PWWP2A: variants seen among roughly 807,000 people sequenced by gnomAD.
The protein encoded by PWWP2A is PWWP domain containing 2A.
PWWP2A carries 18 observed loss-of-function variants against 48.5 expected under a neutral mutation model. That is an observed-to-expected ratio of 0.37 (90% CI 0.26 to 0.55). The LOEUF is 0.55. PWWP2A is among the 20% of genes least tolerant of loss of function. PWWP2A has a pLI of 0.81. For missense variants in PWWP2A, 867 were observed against 976.4 expected (o/e 0.89, Z 1.49); for synonymous variants, 396 against 387.7 (o/e 1.02, Z -0.25).
At chr5:160,079,896 T>G (rs1157522247) in intron 3 of PWWP2A, among the ~76,000 whole-genome samples, 2 of 152,332 alleles carry the variant, frequency 1.3e-5, no homozygotes, top group African/African-American at 4.8e-5. Context: ...AATTACAGCT[T>G]CCATGCAACT....
At chr5:160,109,775 ATATATATATATAT>A (rs1757304838) in intron 1 of PWWP2A, among the ~76,000 whole-genome samples, 1 of 27,844 alleles carries the variant, frequency 3.6e-5, no homozygotes, top group African/African-American at 1.3e-4. Context: ...AAAAAAAAAA[ATATATATATATAT>A]ATATATATAT....
At chr5:160,052,643 G>A in the PWWP2A span, among the ~76,000 whole-genome samples, 11 of 150,604 alleles carry the variant, frequency 7.3e-5, no homozygotes, top group Non-Finnish European at 1.0e-4. Context: ...AGTGGATCTG[G>A]AAGGCATTGG....
At position 160,119,124 on chromosome 5, in the gene PWWP2A, G is replaced by A; in HGVS notation, c.265C>T (p.Leu89=). The change falls in exon 1 of 2, where the codon CTG becomes TTG. Residue 89 remains leucine (L), a synonymous_variant. Coordinates refer to ENST00000307063, the MANE Select transcript of PWWP2A (RefSeq NM_001130864.2). ...ARSPEAVGPE[L]EAEEKLSVRV... is the part of the protein sequence containing the mutation. Reference sequence around the variant, plus strand: ...ACGGACAGTTTCTCCTCAGCCTCCAGCTCCGGCCCCACCGCCTCTGGGCTG... The same window carrying A: ...ACGGACAGTTTCTCCTCAGCCTCCAACTCCGGCCCCACCGCCTCTGGGCTG... The A allele has an allele frequency of 1.3e-6, 2 of 1,582,350 alleles. No individual in the cohort carries two copies. Among genetic ancestry groups the A allele is most frequent in the Non-Finnish European group, 8.5e-7 (1 of 1,173,948 alleles).
downstream of PWWP2A, among the ~76,000 whole-genome samples, chr5:160,075,624 GA>G (rs1238024821): frequency 6.6e-6 from 1 of 151,746 alleles, no homozygotes; most frequent in Non-Finnish European, 1.5e-5. Context: ...TGTTTCTATC[GA>G]AAAGCTGTTA....
the PWWP2A span, among the ~76,000 whole-genome samples, chr5:160,045,520 A>ACACTCTCTCTCT: frequency 5.5e-5 from 3 of 54,880 alleles, no homozygotes; most frequent in Admixed American, 2.3e-4. Flanking sequence ...ACACATACAC[A>ACACTCTCTCTCT]CTCTCTCTCT....
intron 1 of PWWP2A, among the ~76,000 whole-genome samples, chr5:160,101,343 C>T (rs570878802): frequency 1.3e-5 from 2 of 151,856 alleles, no homozygotes; most frequent in Non-Finnish European, 2.9e-5. Context: ...GAGTGAGACT[C>T]TGTCTCAAAA....
intron 1 of PWWP2A, among the ~76,000 whole-genome samples, chr5:160,106,107 GA>G (rs1340896305): frequency 6.6e-6 from 1 of 152,122 alleles, no homozygotes; most frequent in Non-Finnish European, 1.5e-5. Flanking sequence ...GTTGAGTGAG[GA>G]ACAGAGAACT....
rs1753974298 is a variant in PWWP2A at position 160,078,054 on chromosome 5, T to C, written c.*101A>G. ...TTGTTTTTAACCACTGCCTTAACAT[T>C]TACTTCTTAGTGCAGCTTTAAAAAC... On this transcript the variant is annotated 3_prime_UTR_variant, in exon 4 of 4. Transcript: ENST00000456329. The surrounding 1 kb of genome is among the most constrained non-coding windows in gnomAD (Gnocchi z 4.2). The C allele has an allele frequency of 9.7e-7, 1 of 1,034,418 alleles. No individual in the cohort carries two copies. The highest frequency in any genetic ancestry group is 1.6e-5 in the African/African-American group (1 of 62,582). 64.1% of individuals were successfully genotyped at this position (1,034,418 alleles called of 1,614,324 possible).
At chr5:160,105,203 A>T (rs1451974744) in intron 1 of PWWP2A, among the ~76,000 whole-genome samples, 2 of 132,282 alleles carry the variant, frequency 1.5e-5, no homozygotes, top group African/African-American at 2.9e-5. Flanking sequence ...ATGCCATTAC[A>T]CTCCAGCCTG....
At chr5:160,076,676 T>C (rs1581149756) in exon 4 of PWWP2A, 1 of 152,174 alleles carries the variant, frequency 6.6e-6, no homozygotes, top group Non-Finnish European at 1.5e-5. Context: ...AAACAAATCA[T>C]AGGTATATTA....
At chr5:160,058,721 A>G (rs1011813264), downstream of PWWP2A, among the ~76,000 whole-genome samples, 1 of 152,126 alleles carries the variant, frequency 6.6e-6, no homozygotes, top group Non-Finnish European at 1.5e-5. Context: ...AATGAAGTGT[A>G]TTTCTTAAAT....
At chr5:160,095,683 GTTCTT>G (rs1386135650) in intron 1 of PWWP2A, among the ~76,000 whole-genome samples, 31 of 108,842 alleles carry the variant, frequency 2.8e-4, no homozygotes, top group African/African-American at 6.3e-4. Context: ...TCTCCGAAAT[GTTCTT>G]TTTTTTTTTT....
chr5:160,086,661 G>A (rs1754668270), downstream of PWWP2A, among the ~76,000 whole-genome samples: 7 of 152,126 alleles, frequency 4.6e-5, no homozygotes. Flanking sequence ...GGGAGGCCGA[G>A]GCGGGTGGAT....
At chr5:160,090,377 A>C, downstream of PWWP2A, 1 of 983,676 alleles carries the variant, frequency 1.0e-6, no homozygotes, top group Non-Finnish European at 1.2e-6. Context: ...TCAAACTTTT[A>C]AAAACACCTG....
At chr5:160,087,408 G>T (rs1364163803), downstream of PWWP2A, among the ~76,000 whole-genome samples, 1 of 151,632 alleles carries the variant, frequency 6.6e-6, no homozygotes, top group Non-Finnish European at 1.5e-5. Context: ...GGAGGGGCTG[G>T]GGCACCAATT....
In PWWP2A at chr5:160,064,126, C is replaced by A. The variant is rs140766831; in HGVS notation, c.*237-453G>T. 6.8e-3 allele frequency among the ~76,000 whole-genome samples: 1,035 copies of A among 152,050 alleles called. 13 individuals carry two copies. The highest frequency in any genetic ancestry group is 0.024 in the African/African-American group (984 of 41,492). Reference sequence around the variant, plus strand: ...TGGGACTGTAGGCGTATGCCACCACCCTCAGCTGATTTTTGTATTTTTTGT... The same window carrying A: ...TGGGACTGTAGGCGTATGCCACCACACTCAGCTGATTTTTGTATTTTTTGT... On this transcript the variant is annotated intron_variant and NMD_transcript_variant, in intron 4 of 5. Coordinates refer to the PWWP2A transcript ENST00000524050.
chr5:160,108,402 T>C, intron 1 of PWWP2A: 1 of 400,122 alleles, frequency 2.5e-6, no homozygotes, highest in Non-Finnish European at 4.8e-6. Context: ...AAGCCTTTAT[T>C]GACATCTTGG....
At chr5:160,079,137 G>A (rs1295157061) in intron 3 of PWWP2A, among the ~76,000 whole-genome samples, 1 of 151,706 alleles carries the variant, frequency 6.6e-6, no homozygotes, top group Non-Finnish European at 1.5e-5. Context: ...TATTTCAGTG[G>A]AATAATAACA....
chr5:160,071,076 C>T (rs1344154332), downstream of PWWP2A, among the ~76,000 whole-genome samples: 1 of 152,152 alleles, frequency 6.6e-6, no homozygotes, highest in Non-Finnish European at 1.5e-5. Flanking sequence ...GTAGTCCCAG[C>T]TACTTAGGAG....
Sources: allele counts gnomAD v4.1 joint callset (sites outside exome capture counted in the v4.1 genomes callset), GRCh38; gene constraint gnomAD v4.1.1; non-coding constraint Gnocchi (gnomAD v3.1); transcripts MANE v1.5; gene names NCBI Gene and HGNC (gene_info 2026-07-23, HGNC 2026-07-21).